The following TMX3 variants were observed in gnomAD, a reference collection of about 807,000 sequenced individuals.
The protein encoded by TMX3 is thioredoxin related transmembrane protein 3, also known as protein disulfide-isomerase TMX3.
Under a neutral mutation model 64.4 loss-of-function variants are expected in TMX3, and 40 were observed. The observed-to-expected ratio is 0.62, with a 90% CI of 0.48 to 0.81. The LOEUF is 0.81. TMX3 is among the 30% of genes least tolerant of loss of function. The pLI, the probability that TMX3 is intolerant of heterozygous loss-of-function variation, is 0.00. For synonymous variants in TMX3, 189 were observed against 175.7 expected, an observed-to-expected ratio of 1.08 and a Z score of -0.60; for missense variants, 497 against 534.5, an observed-to-expected ratio of 0.93 and a Z score of 0.69.
Position 68,700,286 on chromosome 18 carries a change from A to G in TMX3, c.392+119T>C, listed in dbSNP as rs1599328628. On this transcript the variant is annotated intron_variant, in intron 6 of 15. Coordinates refer to ENST00000299608, the MANE Select transcript of TMX3 (RefSeq NM_019022.5). Reference sequence around the variant, plus strand: ...TCCTATCTTCTCTCATAAGTAAATAATCAAATAAATTTTACCTAGGTATGT... The same window carrying G: ...TCCTATCTTCTCTCATAAGTAAATAGTCAAATAAATTTTACCTAGGTATGT... 4 of 620,992 alleles carry G rather than the reference A, an allele frequency of 6.4e-6. No homozygotes were observed. The East Asian group carries it at 1.3e-4, about 21-fold the overall frequency. 38.5% of individuals were successfully genotyped at this position (620,992 alleles called of 1,614,324 possible). A position where few individuals can be genotyped will look rare whatever the true frequency, so the allele number is the denominator to read the frequency against.
intron 8 of TMX3, among the ~76,000 whole-genome samples, chr18:68,694,143 G>A (rs1914820060): frequency 6.6e-6 from 1 of 152,116 alleles, no homozygotes; most frequent in Non-Finnish European, 1.5e-5. Context: ...GGGACTGAAG[G>A]GGCTGTAATG....
chr18:68,680,466 T>C (rs1599295519), intron 14 of TMX3, among the ~76,000 whole-genome samples: 1 of 152,284 alleles, frequency 6.6e-6, no homozygotes, highest in East Asian at 1.9e-4. Flanking sequence ...TTCTGAGAAA[T>C]ATTTTATAGG....
intron 4 of TMX3, among the ~76,000 whole-genome samples, chr18:68,703,141 A>C (rs1345925036): frequency 6.6e-6 from 1 of 152,168 alleles, no homozygotes; most frequent in African/African-American, 2.4e-5. Flanking sequence ...TCCCAGCAAA[A>C]ACACAGAAAC....
chr18:68,711,940 C>A (rs2031321160), intron 2 of TMX3, among the ~76,000 whole-genome samples: 1 of 152,148 alleles, frequency 6.6e-6, no homozygotes, highest in African/African-American at 2.4e-5. Flanking sequence ...GGTACTGTAC[C>A]TTACCATCAG....
intron 3 of TMX3, 115 bp downstream of exon 3, chr18:68,711,249 T>C: frequency 5.2e-6 from 3 of 575,218 alleles, no homozygotes; most frequent in Admixed American, 6.3e-5. Flanking sequence ...AGAAAACAAA[T>C]TGAGTATATA....
At chr18:68,714,227 ATTC>A (rs2031646165) in intron 1 of TMX3, 1 of 171,814 alleles carries the variant, frequency 5.8e-6, no homozygotes, top group African/African-American at 2.4e-5. Context: ...AATAGACAGC[ATTC>A]TTCTTTATTT....
At chr18:68,694,665 C>T (rs550217573) in intron 8 of TMX3, among the ~76,000 whole-genome samples, 3 of 152,118 alleles carry the variant, frequency 2.0e-5, no homozygotes, top group Non-Finnish European at 2.9e-5. Context: ...GCTGGTGAAA[C>T]GACACCCTAA....
At chr18:68,689,630 G>A (rs1482636140) in intron 9 of TMX3, 2 of 152,088 alleles carry the variant, frequency 1.3e-5, no homozygotes, top group East Asian at 3.9e-4. Context: ...ATTATATGAG[G>A]AGTACTGCAA....
At chr18:68,680,326 G>T (rs1913295263) in intron 14 of TMX3, among the ~76,000 whole-genome samples, 1 of 152,090 alleles carries the variant, frequency 6.6e-6, no homozygotes, top group Non-Finnish European at 1.5e-5. Context: ...TAAGATGCAT[G>T]CTGGTCACAA....
At chr18:68,707,074 T>A (rs1311839247) in intron 4 of TMX3, among the ~76,000 whole-genome samples, 1 of 152,214 alleles carries the variant, frequency 6.6e-6, no homozygotes, top group Non-Finnish European at 1.5e-5. Flanking sequence ...GTTTAATCTG[T>A]TTTGCTCAAT....
At chr18:68,682,086 A>C (rs1295956235) in intron 13 of TMX3, among the ~76,000 whole-genome samples, 1 of 152,188 alleles carries the variant, frequency 6.6e-6, no homozygotes, top group African/African-American at 2.4e-5. Flanking sequence ...ATGGGAAAGT[A>C]TCTCTCTCCC....
intron 10 of TMX3, among the ~76,000 whole-genome samples, chr18:68,686,192 G>C (rs564085316): frequency 2.7e-4 from 41 of 152,160 alleles, no homozygotes; most frequent in African/African-American, 9.9e-4. Flanking sequence ...AAGGGCAGGG[G>C]CACGACCACA....
At chr18:68,701,051 A>C in intron 5 of TMX3, 2 of 975,248 alleles carry the variant, frequency 2.1e-6, no homozygotes, top group Non-Finnish European at 2.4e-6. Flanking sequence ...GAAGCACAAC[A>C]GAATACCTAC....
chr18:68,684,544 T>G, intron 10 of TMX3, 59 bp from the exon 11 acceptor site: 1 of 1,436,782 alleles, frequency 7.0e-7, no homozygotes. Context: ...ACTGTTCAAT[T>G]ATCACTTTAG....
At chr18:68,692,335 T>C (rs942376304) in intron 8 of TMX3, among the ~76,000 whole-genome samples, 1 of 152,170 alleles carries the variant, frequency 6.6e-6, no homozygotes, top group African/African-American at 2.4e-5. Context: ...CAGTCTCAAA[T>C]CTTGCAGCCA....
At chr18:68,695,000 T>C (rs1914918047) in intron 8 of TMX3, among the ~76,000 whole-genome samples, 1 of 152,200 alleles carries the variant, frequency 6.6e-6, no homozygotes, top group South Asian at 2.1e-4. Flanking sequence ...TCCCTTCATT[T>C]CTTTCATAAT....
At chr18:68,685,517 T>TG (rs944907015) in intron 10 of TMX3, among the ~76,000 whole-genome samples, 1 of 152,208 alleles carries the variant, frequency 6.6e-6, no homozygotes, top group African/African-American at 2.4e-5. Flanking sequence ...AAATGGTTCG[T>TG]GAGTTTTTTT....
intron 6 of TMX3, 97 bp from the exon 7 acceptor site, chr18:68,698,128 T>C (rs1443877015): frequency 1.3e-6 from 1 of 769,198 alleles, no homozygotes; most frequent in African/African-American, 1.8e-5. Flanking sequence ...AGTTATTAAG[T>C]TTCAATAATA....
At chr18:68,679,708 T>C (rs1037729107) in intron 14 of TMX3, 177 bp from the exon 15 acceptor site, 24 of 543,760 alleles carry the variant, frequency 4.4e-5, no homozygotes, top group Middle Eastern at 4.9e-4. Flanking sequence ...ATGTCCAGCA[T>C]TCCTCCTGCC....
Sources: gnomAD v4.1 joint callset for allele counts (sites outside exome capture counted in the v4.1 genomes callset) on GRCh38, gnomAD v4.1.1 for gene constraint, MANE v1.5 for transcripts, NCBI Gene and HGNC (gene_info 2026-07-23, HGNC 2026-07-21) for gene names.